Variants in GNA13 observed in about 807,000 individuals in gnomAD.
GNA13 encodes guanine nucleotide-binding protein subunit alpha-13.
GNA13 carries 4 observed loss-of-function variants against 33.5 expected under a neutral mutation model. That is an observed-to-expected ratio of 0.12 (90% confidence interval 0.06 to 0.27). The LOEUF (loss-of-function observed/expected upper bound fraction) is 0.27, where lower values mean the gene tolerates loss of function less well. GNA13 is among the 10% of genes least tolerant of loss of function. The pLI, the probability that GNA13 is intolerant of heterozygous loss-of-function variation, is 1.00. For missense variants in GNA13, 319 were observed against 487.2 expected (o/e 0.65, Z 3.25); for synonymous variants, 176 against 183.8 (o/e 0.96, Z 0.34).
chr17:65,042,283 G>A (rs562263761), intron 2 of GNA13, among the ~76,000 whole-genome samples: 115 of 151,632 alleles, frequency 7.6e-4, no homozygotes, highest in African/African-American at 2.7e-3. Flanking sequence ...GCTTGAACCC[G>A]GGAGGCAGAG....
At chr17:65,029,460 G>C (rs1333638361) in intron 2 of GNA13, among the ~76,000 whole-genome samples, 1 of 152,200 alleles carries the variant, frequency 6.6e-6, no homozygotes, top group Non-Finnish European at 1.5e-5. Context: ...TTACAGATGA[G>C]AAGCCTAAGG....
chr17:65,040,301 C>G (rs566796697), intron 2 of GNA13, among the ~76,000 whole-genome samples: 1 of 152,270 alleles, frequency 6.6e-6, no homozygotes, highest in South Asian at 2.1e-4. Flanking sequence ...TGTATATTAT[C>G]TTTATGGCAA....
At chr17:65,022,015 A>G (rs1431184930) in intron 2 of GNA13, among the ~76,000 whole-genome samples, 1 of 152,194 alleles carries the variant, frequency 6.6e-6, no homozygotes, top group Non-Finnish European at 1.5e-5. Flanking sequence ...TGCTCCTTAT[A>G]TTTAACTAGA....
At position 65,012,432 on chromosome 17, in the gene GNA13, T is replaced by C. The variant is rs1906224693; in HGVS notation, c.*1825A>G. On this transcript the variant is annotated 3_prime_UTR_variant, in exon 4 of 4. Coordinates refer to ENST00000439174, the MANE Select transcript of GNA13 (RefSeq NM_006572.6). ...TCTTTTTGGCAAGAAGCACTAGATG[T>C]AGAACTATTCAAACACGCATGAATG... The C allele has an allele frequency of 4.5e-6, 1 of 221,828 alleles. No individual in the cohort carries two copies. Among genetic ancestry groups the C allele is most frequent in the Non-Finnish European group, 9.0e-6 (1 of 110,996 alleles). 13.7% of individuals were successfully genotyped at this position (221,828 alleles called of 1,614,324 possible).
intron 2 of GNA13, among the ~76,000 whole-genome samples, chr17:65,052,597 C>T (rs920262621): frequency 2.0e-5 from 3 of 152,240 alleles, no homozygotes; most frequent in Admixed American, 6.5e-5. Context: ...AACCCAATCA[C>T]AGCATTCACA....
At chr17:65,045,626 T>G (rs2143821056) in intron 2 of GNA13, among the ~76,000 whole-genome samples, 1 of 151,736 alleles carries the variant, frequency 6.6e-6, no homozygotes, top group East Asian at 1.9e-4. Context: ...CCAAGCTGAA[T>G]AGTGATTAGG....
chr17:65,029,150 T>G (rs973921382), intron 2 of GNA13, among the ~76,000 whole-genome samples: 1 of 152,206 alleles, frequency 6.6e-6, no homozygotes, highest in Non-Finnish European at 1.5e-5. Flanking sequence ...TATAATAGTA[T>G]CTGATAAAAT....
At chr17:65,026,895 C>T (rs1906805118) in intron 2 of GNA13, among the ~76,000 whole-genome samples, 1 of 152,216 alleles carries the variant, frequency 6.6e-6, no homozygotes, top group African/African-American at 2.4e-5. Context: ...TCTTCTGCCT[C>T]AGCCTTCCAA....
chr17:65,035,255 T>C (rs1018453447), intron 2 of GNA13, among the ~76,000 whole-genome samples: 2 of 152,148 alleles, frequency 1.3e-5, no homozygotes, highest in Admixed American at 6.6e-5. Flanking sequence ...AAAATACATA[T>C]ATAGCGGGAA....
intron 2 of GNA13, among the ~76,000 whole-genome samples, chr17:65,046,866 A>C (rs965862291): frequency 1.3e-5 from 2 of 152,234 alleles, no homozygotes; most frequent in Non-Finnish European, 2.9e-5. Context: ...ATAAAAGGTA[A>C]TATAGAAAGC....
chr17:65,011,122 AATG>A lies in GNA13; in HGVS notation c.*3132_*3134del, dbSNP rs1232502085. ...ACTTAACCAATTTCTTCTTACAAAAAATGATAAGGACATATGGTATTTGTTGAA... is the reference window on the plus strand; with the variant it reads ...ACTTAACCAATTTCTTCTTACAAAAAATAAGGACATATGGTATTTGTTGAA... On this transcript the variant is annotated 3_prime_UTR_variant, in exon 4 of 4. Transcript: ENST00000439174. The A allele has an allele frequency of 1.5e-5, 3 of 206,356 alleles. No individual in the cohort carries two copies. Among genetic ancestry groups the A allele is most frequent in the Admixed American group, 5.9e-5 (1 of 16,818 alleles). The allele number at this position is 206,356 out of a possible 1,614,324, so 12.8% of individuals were successfully genotyped here. A position where few individuals can be genotyped will look rare whatever the true frequency, so the allele number is the denominator to read the frequency against.
intron 2 of GNA13, among the ~76,000 whole-genome samples, chr17:65,031,896 A>AAAGAGAG (rs1907041394): frequency 1.3e-4 from 9 of 71,408 alleles, no homozygotes; most frequent in East Asian, 9.6e-4. Context: ...GAGAGAGAGA[A>AAAGAGAG]AGAGAGAGAG....
chr17:65,028,631 A>G (rs907468968), intron 2 of GNA13, among the ~76,000 whole-genome samples: 1 of 152,134 alleles, frequency 6.6e-6, no homozygotes, highest in Non-Finnish European at 1.5e-5. Flanking sequence ...ATGTGTCATG[A>G]GAGGTATGAC....
intron 2 of GNA13, among the ~76,000 whole-genome samples, chr17:65,020,161 G>A (rs773587194): frequency 6.6e-6 from 1 of 152,196 alleles, no homozygotes; most frequent in Non-Finnish European, 1.5e-5. Context: ...GTGTCTGGCA[G>A]ATAAAATATG....
intron 1 of GNA13, among the ~76,000 whole-genome samples, chr17:65,053,935 A>C (rs931428304): frequency 4.6e-5 from 7 of 152,352 alleles, no homozygotes; most frequent in African/African-American, 1.2e-4. Context: ...AGAGCCTTGA[A>C]AAGCAAATAC....
chr17:65,021,268 T>C lies in GNA13; in HGVS notation c.511-2965A>G, dbSNP rs1295817531. ...AATATTAGGTGAGCTTCAGTGACCC[T>C]TTGAGTATTAGAAGTCTATGAGGTT... On this transcript the variant is annotated intron_variant, in intron 2 of 3. Transcript: ENST00000439174. Among the ~76,000 whole-genome samples the C allele has an allele frequency of 5.3e-5, 8 of 152,362 alleles. No individual in the cohort carries two copies. In the East Asian group the frequency reaches 1.3e-3, roughly 26 times the overall value.
chr17:65,013,509 A>C lies in GNA13; in HGVS notation c.*748T>G. The C allele has an allele frequency of 4.6e-6, 1 of 215,086 alleles. No individual in the cohort carries two copies. Among genetic ancestry groups the C allele is most frequent in the Non-Finnish European group, 9.4e-6 (1 of 106,210 alleles). The allele number at this position is 215,086 out of a possible 1,614,324, so 13.3% of individuals were successfully genotyped here. ...GTACATTAAACTACATGATAATTAA[A>C]TATGAGAAAGGCAAATTCTATTTCA... On this transcript the variant is annotated 3_prime_UTR_variant, in exon 4 of 4. Transcript: ENST00000439174.
rs78663237 is a variant in GNA13 at position 65,015,047 on chromosome 17, G to A, written c.562-218C>T. Among the ~76,000 whole-genome samples the A allele has an allele frequency of 7.5e-3, 1,132 of 151,850 alleles. 15 individuals are homozygous for A. The highest frequency in any genetic ancestry group is 0.026 in the African/African-American group (1,072 of 41,392). On this transcript the variant is annotated intron_variant, in intron 3 of 3. Coordinates refer to ENST00000439174, the MANE Select transcript of GNA13 (RefSeq NM_006572.6). ...TTTGGGAGGCTGAGGCAGGAGGATC[G>A]CTTGCGAAGCCAGGAGTTTGAGAAT... is the stretch of plus-strand genomic sequence containing the variant.
chr17:65,033,945 G>A (rs1207203840), intron 2 of GNA13, among the ~76,000 whole-genome samples: 3 of 143,412 alleles, frequency 2.1e-5, no homozygotes, highest in East Asian at 2.0e-4. Flanking sequence ...CTCAGGAGGC[G>A]GAGGTTGCAG....
Sources: allele counts gnomAD v4.1 joint callset (sites outside exome capture counted in the v4.1 genomes callset), GRCh38; gene constraint gnomAD v4.1.1; transcripts MANE v1.5; gene names NCBI Gene and HGNC (gene_info 2026-07-23, HGNC 2026-07-21).